The following SLC15A2 variants were observed in gnomAD, a reference collection of about 807,000 sequenced individuals.
SLC15A2 encodes kidney H(+)/peptide cotransporter.
A neutral mutation model predicts 95.5 loss-of-function variants in SLC15A2; 77 were observed. The observed-to-expected ratio is 0.81, with a 90% confidence interval of 0.67 to 0.97. The LOEUF is 0.97. Ranked by LOEUF, SLC15A2 falls within the 50% of genes least tolerant of loss-of-function variation. The pLI, the probability that SLC15A2 is intolerant of heterozygous loss-of-function variation, is 0.00. For missense variants in SLC15A2, 893 were observed against 874.4 expected, an observed-to-expected ratio of 1.02 and a Z score of -0.27; for synonymous variants, 306 against 306.9, an observed-to-expected ratio of 1.00 and a Z score of 0.03.
chr3:121,915,485 G>A, intron 6 of SLC15A2, 131 bp from the exon 7 acceptor site: 1 of 802,854 alleles, frequency 1.2e-6, no homozygotes, highest in Non-Finnish European at 2.1e-6. Flanking sequence ...TGGATTAGGT[G>A]ATGGGAGGAA....
chr3:121,897,886 G>C (rs1709449133), intron 3 of SLC15A2, among the ~76,000 whole-genome samples: 1 of 152,154 alleles, frequency 6.6e-6, no homozygotes, highest in East Asian at 1.9e-4. Flanking sequence ...TTTTAGCCAG[G>C]TGCGGTGGCT....
At chr3:121,931,829 C>T (rs1459243487) in intron 19 of SLC15A2, 94 bp downstream of exon 19, 2 of 710,008 alleles carry the variant, frequency 2.8e-6, no homozygotes. Flanking sequence ...AGAGAAGACT[C>T]TGTGGCAAAG....
At chr3:121,931,350 A>C (rs1181608132) in intron 18 of SLC15A2, among the ~76,000 whole-genome samples, 2 of 152,252 alleles carry the variant, frequency 1.3e-5, no homozygotes, top group Non-Finnish European at 2.9e-5. Flanking sequence ...TAAGATTTGC[A>C]TGAGGAAAAT....
rs1487429824 is a variant in SLC15A2, at chr3:121,915,633, G to A, written c.637G>A (p.Gly213Arg). The change falls in exon 7 of 22, where the codon GGA becomes AGA. Residue 213 changes from glycine to arginine, a missense_variant. Coordinates refer to ENST00000489711, the MANE Select transcript of SLC15A2 (RefSeq NM_021082.4). ...PMLRGDVQCF[G>R]EDCYALAFGV... is the part of the protein sequence containing the mutation. The stretch of plus-strand genomic sequence containing the variant: ...TTCTTTAGGAGATGTGCAATGTTTT[G>A]GAGAAGACTGCTATGCATTGGCTTT... 1 of 1,613,586 alleles carries A rather than the reference G, an allele frequency of 6.2e-7. No homozygotes were observed. The highest frequency in any genetic ancestry group is 1.3e-5 in the African/African-American group (1 of 74,894).
intron 18 of SLC15A2, among the ~76,000 whole-genome samples, 165 bp downstream of exon 18, chr3:121,931,115 T>A (rs1710224911): frequency 6.6e-6 from 1 of 152,248 alleles, no homozygotes; most frequent in South Asian, 2.1e-4. Context: ...TCTCACTTTT[T>A]TTCTGCACAG....
chr3:121,896,268 T>G, intron 1 of SLC15A2, 138 bp from the exon 2 acceptor site: 1 of 684,090 alleles, frequency 1.5e-6, no homozygotes, highest in Non-Finnish European at 2.7e-6. Context: ...AATAGGTGTG[T>G]CATGAAGAGT....
At chr3:121,898,486 T>C (rs868488298) in intron 3 of SLC15A2, among the ~76,000 whole-genome samples, 4 of 152,320 alleles carry the variant, frequency 2.6e-5, no homozygotes, top group South Asian at 4.1e-4. Context: ...TGGATCGTGG[T>C]TATCCCCTGC....
At chr3:121,921,359 T>C (rs1377475725) in intron 7 of SLC15A2, among the ~76,000 whole-genome samples, 1 of 152,232 alleles carries the variant, frequency 6.6e-6, no homozygotes, top group Non-Finnish European at 1.5e-5. Flanking sequence ...GTGAGATGCA[T>C]TATAAGGATT....
intron 21 of SLC15A2, 131 bp downstream of exon 21, chr3:121,940,619 A>G (rs1710442468): frequency 1.2e-6 from 1 of 864,894 alleles, no homozygotes; most frequent in South Asian, 1.6e-5. Flanking sequence ...GGTTAGATAT[A>G]CAGACTTTAC....
chr3:121,937,607 C>A (rs1200319123), intron 19 of SLC15A2, among the ~76,000 whole-genome samples: 3 of 151,834 alleles, frequency 2.0e-5, no homozygotes, highest in Non-Finnish European at 4.4e-5. Flanking sequence ...CCTTGGTTTT[C>A]AGCTCCATCA....
intron 7 of SLC15A2, among the ~76,000 whole-genome samples, chr3:121,917,544 C>T (rs543202956): frequency 8.6e-5 from 13 of 152,032 alleles, no homozygotes; most frequent in African/African-American, 2.4e-4. Context: ...AAAAATTAGC[C>T]GAGTATGATG....
At chr3:121,912,997 G>C in intron 4 of SLC15A2, 24 bp from the exon 5 acceptor site, 1 of 1,550,664 alleles carries the variant, frequency 6.4e-7, no homozygotes, top group Non-Finnish European at 8.9e-7. Context: ...CAACATGGTT[G>C]GCATTCTCAC....
chr3:121,911,831 T>C (rs979683863), intron 4 of SLC15A2, among the ~76,000 whole-genome samples, 165 bp downstream of exon 4: 1 of 152,244 alleles, frequency 6.6e-6, no homozygotes, highest in Non-Finnish European at 1.5e-5. Context: ...TCCTACTTTA[T>C]CTGAGCTCAT....
intron 14 of SLC15A2, 49 bp from the exon 15 acceptor site, chr3:121,928,372 T>C (rs1279961164): frequency 6.3e-7 from 1 of 1,599,556 alleles, no homozygotes; most frequent in Non-Finnish European, 8.5e-7. Context: ...TGCCATTGTA[T>C]CTGAAGGATT....
chr3:121,903,782 C>T (rs1709570677), intron 3 of SLC15A2, among the ~76,000 whole-genome samples: 2 of 152,250 alleles, frequency 1.3e-5, no homozygotes, highest in South Asian at 4.1e-4. Context: ...AGTCAGGTAG[C>T]CTGATGCCTC....
chr3:121,943,020 C>G lies in SLC15A2; in HGVS notation c.*2013C>G, dbSNP rs1354287420. ...GTGGCTCATGCCTGTAATCCCAGCA[C>G]TTTGGGAGGCTGAGACAGGTGGATC... On this transcript the variant is annotated 3_prime_UTR_variant, in exon 22 of 22. Transcript: ENST00000489711. 6.6e-6 allele frequency: 1 copy of G among 152,112 alleles called. No individual in the cohort carries two copies. The highest frequency in any genetic ancestry group is 6.6e-5 in the Admixed American group (1 of 15,266). The allele number at this position is 152,112 out of a possible 1,614,324, so 9.4% of individuals were successfully genotyped here.
At position 121,942,806 on chromosome 3, in the gene SLC15A2, T is replaced by C. The variant is rs1576697631; in HGVS notation, c.*1799T>C. 2 of 152,220 alleles carry C rather than the reference T, an allele frequency of 1.3e-5. No homozygotes were observed. The highest frequency in any genetic ancestry group is 3.8e-4 in the East Asian group (2 of 5,202). 9.4% of individuals were successfully genotyped at this position (152,220 alleles called of 1,614,324 possible). On this transcript the variant is annotated 3_prime_UTR_variant, in exon 22 of 22. Coordinates refer to ENST00000489711, the MANE Select transcript of SLC15A2 (RefSeq NM_021082.4). ...CTTAACATTTGCATATTAAAGACTC[T>C]GAGATATCCTGCAGTAAAGACACAA...
chr3:121,935,849 G>A (rs1278063622), intron 19 of SLC15A2, among the ~76,000 whole-genome samples: 1 of 152,024 alleles, frequency 6.6e-6, no homozygotes, highest in Non-Finnish European at 1.5e-5. Flanking sequence ...TCTTTTAATT[G>A]TGATGTTAGG....
intron 17 of SLC15A2, 134 bp from the exon 18 acceptor site, chr3:121,930,706 C>T (rs752608382): frequency 1.4e-5 from 8 of 591,690 alleles, no homozygotes; most frequent in Non-Finnish European, 2.4e-5. Flanking sequence ...CATTAGGTAC[C>T]TTTTATGTGC....
Sources: gnomAD v4.1 joint callset for allele counts (sites outside exome capture counted in the v4.1 genomes callset) on GRCh38, gnomAD v4.1.1 for gene constraint, MANE v1.5 for transcripts, NCBI Gene and HGNC (gene_info 2026-07-23, HGNC 2026-07-21) for gene names.